Variants in RAPGEF6 observed in about 807,000 individuals in gnomAD.
RAPGEF6 encodes the protein Rap guanine nucleotide exchange factor 6.
In RAPGEF6, 56 loss-of-function variants were observed where a neutral mutation model predicts 171.4. That is an observed-to-expected ratio of 0.33 (90% CI 0.26 to 0.41). The LOEUF (loss-of-function observed/expected upper bound fraction) is 0.41, where lower values mean the gene tolerates loss of function less well. RAPGEF6 is among the 10% of genes least tolerant of loss of function. The probability of loss-of-function intolerance (pLI) is 1.00; values close to 1 mark genes in which losing one functional copy is unlikely to be tolerated. For synonymous variants in RAPGEF6, 692 were observed against 650.1 expected, an observed-to-expected ratio of 1.06 and a Z score of -0.98; for missense variants, 1,674 against 1,921.4, an observed-to-expected ratio of 0.87 and a Z score of 2.41.
rs758924410 is a variant in RAPGEF6, at chr5:131,510,371, C to T, written c.748G>A (p.Asp250Asn). ...IDRTDPLQGR[D>N]LVRECLEKEP... is the part of the protein sequence containing the mutation. ...TTTTCAAGACATTCTCGAACAAGAT[C>T]TCGCCCCTGCAATGGATCTGTTCGA... The change falls in exon 8 of 28, where the codon GAT becomes AAT. Residue 250 changes from aspartate to asparagine, a missense_variant. By Grantham distance (23) the Asp-to-Asn change is conservative (BLOSUM62 1). Around this residue, in one of 3 missense-constraint regions of RAPGEF6, gnomAD observed 1,116 missense variants for 1,321.5 expected, o/e 0.84. Coordinates refer to ENST00000509018, the MANE Select transcript of RAPGEF6 (RefSeq NM_016340.6). 1 of 1,614,102 alleles carries T rather than the reference C, an allele frequency of 6.2e-7. No individual in the cohort carries two copies. Among genetic ancestry groups the T allele is most frequent in the Non-Finnish European group, 8.5e-7 (1 of 1,180,020 alleles).
At chr5:131,435,688 A>AT (rs1751967685) in intron 24 of RAPGEF6, 1 of 431,650 alleles carries the variant, frequency 2.3e-6, no homozygotes, top group Non-Finnish European at 3.7e-6. Flanking sequence ...AAAGTAGAAG[A>AT]TAAAAAAGCC....
At chr5:131,612,958 A>T (rs756809622) in intron 1 of RAPGEF6, among the ~76,000 whole-genome samples, 4 of 152,206 alleles carry the variant, frequency 2.6e-5, no homozygotes, top group Non-Finnish European at 5.9e-5. Flanking sequence ...GCCTAAAGAG[A>T]GACTAATAAG....
chr5:131,623,356 T>C (rs778103899), intron 1 of RAPGEF6, among the ~76,000 whole-genome samples: 2 of 152,182 alleles, frequency 1.3e-5, no homozygotes, highest in African/African-American at 2.4e-5. Flanking sequence ...TTAATGAGAA[T>C]AGTAATAGCA....
intron 23 of RAPGEF6, 184 bp from the exon 24 acceptor site, chr5:131,439,899 T>A (rs1232920661): frequency 9.4e-7 from 1 of 1,062,494 alleles, no homozygotes; most frequent in Non-Finnish European, 1.3e-6. Context: ...ACCTCTAGGT[T>A]ATTCATTCAA....
intron 6 of RAPGEF6, 76 bp from the exon 7 acceptor site, chr5:131,521,597 A>T: frequency 7.3e-7 from 1 of 1,367,832 alleles, no homozygotes; most frequent in South Asian, 1.4e-5. Flanking sequence ...TGTTCAACAA[A>T]TTTTTATGTA....
intron 6 of RAPGEF6, among the ~76,000 whole-genome samples, chr5:131,540,823 C>T (rs1383162819): frequency 6.6e-6 from 1 of 152,116 alleles, no homozygotes; most frequent in African/African-American, 2.4e-5. Flanking sequence ...TTTATTGGTC[C>T]TGGTTTAATT....
chr5:131,479,414 T>G, intron 16 of RAPGEF6, 99 bp downstream of exon 16: 1 of 1,294,946 alleles, frequency 7.7e-7, no homozygotes, highest in Non-Finnish European at 1.1e-6. Flanking sequence ...ACATTAGTTA[T>G]ATAACAAAGC....
At position 131,493,019 on chromosome 5, in the gene RAPGEF6, A is replaced by C. The variant is rs912918181; in HGVS notation, c.1528-234T>G. Among the ~76,000 whole-genome samples the C allele has an allele frequency of 2.9e-4, 44 of 152,086 alleles. 2 individuals are homozygous for C. The highest frequency in any genetic ancestry group is 2.9e-5 in the Non-Finnish European group (2 of 68,002). On this transcript the variant is annotated intron_variant, in intron 13 of 27. Transcript: ENST00000509018. ...TTTCCAAGTGATGTCTCATTTACAG[A>C]GACATGACAAAAAATTACCTATCAT...
chr5:131,499,576 T>A (rs1423976828), intron 11 of RAPGEF6, among the ~76,000 whole-genome samples: 1 of 97,910 alleles, frequency 1.0e-5, no homozygotes, highest in South Asian at 3.8e-4. Flanking sequence ...AGCGAGACTT[T>A]GTCTCAAAAA....
intron 6 of RAPGEF6, among the ~76,000 whole-genome samples, chr5:131,525,935 ATCTC>A (rs1758844500): frequency 6.6e-6 from 1 of 152,206 alleles, no homozygotes. Flanking sequence ...TGTTATTATT[ATCTC>A]TATTTTACTG....
intron 3 of RAPGEF6, among the ~76,000 whole-genome samples, chr5:131,598,670 G>A (rs1021128055): frequency 6.6e-6 from 1 of 152,186 alleles, no homozygotes; most frequent in Non-Finnish European, 1.5e-5. Flanking sequence ...AGAAAAAACT[G>A]CTCAAACTGT....
At chr5:131,581,060 G>A (rs115395028) in intron 4 of RAPGEF6, among the ~76,000 whole-genome samples, 5 of 152,090 alleles carry the variant, frequency 3.3e-5, no homozygotes, top group African/African-American at 9.7e-5. Context: ...ACAACATTCC[G>A]CAGCCTCTCC....
intron 24 of RAPGEF6, among the ~76,000 whole-genome samples, chr5:131,437,593 A>C (rs1253990802): frequency 6.6e-6 from 1 of 152,252 alleles, no homozygotes; most frequent in African/African-American, 2.4e-5. Flanking sequence ...AGACAAGGAA[A>C]GTGATGACAT....
At chr5:131,617,637 A>C (rs1367440065) in intron 1 of RAPGEF6, among the ~76,000 whole-genome samples, 1 of 152,186 alleles carries the variant, frequency 6.6e-6, no homozygotes, top group Non-Finnish European at 1.5e-5. Context: ...TCACGCCTGT[A>C]ATCTCCAGTA....
At chr5:131,484,222 CTTTTT>C (rs751000560) in intron 15 of RAPGEF6, among the ~76,000 whole-genome samples, 5 of 74,108 alleles carry the variant, frequency 6.7e-5, no homozygotes, top group South Asian at 4.4e-4. Flanking sequence ...ACTGCAGAGG[CTTTTT>C]TTTTTTTTTT....
chr5:131,533,423 G>C (rs538156666), intron 6 of RAPGEF6, among the ~76,000 whole-genome samples: 17 of 152,102 alleles, frequency 1.1e-4, no homozygotes, highest in Admixed American at 9.8e-4. Context: ...TATAAGCTCT[G>C]ATAAGATACC....
chr5:131,584,652 T>C (rs946355199), intron 4 of RAPGEF6, among the ~76,000 whole-genome samples: 3 of 152,188 alleles, frequency 2.0e-5, no homozygotes, highest in African/African-American at 4.8e-5. Context: ...GATTGGCCTA[T>C]TGAGATGTCT....
chr5:131,614,808 T>A (rs1189650505), intron 1 of RAPGEF6, among the ~76,000 whole-genome samples: 1 of 152,236 alleles, frequency 6.6e-6, no homozygotes, highest in Non-Finnish European at 1.5e-5. Flanking sequence ...AGCCTGTTTT[T>A]CTAGTATCCC....
At chr5:131,453,603 A>G (rs1262202193) in intron 20 of RAPGEF6, among the ~76,000 whole-genome samples, 3 of 152,052 alleles carry the variant, frequency 2.0e-5, no homozygotes, top group Non-Finnish European at 4.4e-5. Context: ...AAAAATCCAC[A>G]AAAAAACAAA....
Sources: gnomAD v4.1 joint callset for allele counts (sites outside exome capture counted in the v4.1 genomes callset) on GRCh38, gnomAD v4.1.1 for gene constraint, gnomAD v4.1.1 regional missense constraint, MANE v1.5 for transcripts, NCBI Gene and HGNC (gene_info 2026-07-23, HGNC 2026-07-21) for gene names.